The following ECI2 variants were observed in gnomAD, a reference collection of about 807,000 sequenced individuals.
The protein encoded by ECI2 is enoyl-CoA delta isomerase 2.
In ECI2, 27 loss-of-function variants were observed where a neutral mutation model predicts 38.4. That is an observed-to-expected ratio of 0.70 (90% CI 0.52 to 0.97). ECI2 has a LOEUF of 0.97. ECI2 is among the 50% of genes least tolerant of loss of function. The probability of loss-of-function intolerance (pLI) is 0.00; values close to 1 mark genes in which losing one functional copy is unlikely to be tolerated. For missense variants in ECI2, 470 were observed against 474.4 expected (o/e 0.99, Z 0.09); for synonymous variants, 168 against 172.0 (o/e 0.98, Z 0.18).
chr6:4,119,921 A>G (rs528447412), intron 7 of ECI2, among the ~76,000 whole-genome samples: 3 of 135,108 alleles, frequency 2.2e-5, no homozygotes, highest in East Asian at 2.5e-4. Context: ...AGAATGCTGT[A>G]TAAGTGGAAT....
At chr6:4,131,781 T>C (rs1243038699) in intron 2 of ECI2, among the ~76,000 whole-genome samples, 1 of 152,048 alleles carries the variant, frequency 6.6e-6, no homozygotes, top group Non-Finnish European at 1.5e-5. Context: ...TGCCTGAACC[T>C]GGGAGGCAGA....
chr6:4,117,565 G>C (rs1772365872), intron 8 of ECI2, 114 bp from the exon 9 acceptor site: 1 of 1,389,854 alleles, frequency 7.2e-7, no homozygotes, highest in Admixed American at 2.7e-5. Context: ...GAGGTTGCTG[G>C]TATTTCTCAG....
chr6:4,130,467 A>T lies in ECI2; in HGVS notation c.406T>A (p.Ser136Thr). The part of the protein sequence containing the change: ...SQVEPGTDRK[S>T]TGFETLVVTS... ...ACCACCAGAGTTTCAAACCCAGTTG[A>T]TTTCCTGTCTGTTCCAGGCTCCACC... Residue 136 changes from serine to threonine, a missense_variant, in exon 4 of 10, where the codon TCA becomes ACA. Ser to Thr is a moderately conservative substitution (Grantham distance 58). Coordinates refer to ENST00000380118, the MANE Select transcript of ECI2 (RefSeq NM_206836.3). 1.9e-6 allele frequency: 3 copies of T among 1,614,180 alleles called. No individual in the cohort carries two copies. In the South Asian group the frequency reaches 3.3e-5, roughly 18 times the overall value.
intron 2 of ECI2, 103 bp from the exon 3 acceptor site, chr6:4,130,968 A>C: frequency 1.9e-6 from 2 of 1,042,756 alleles, no homozygotes; most frequent in Non-Finnish European, 2.8e-6. Context: ...CCTCCCCCAA[A>C]TCCTTTCACA....
intron 8 of ECI2, 140 bp downstream of exon 8, chr6:4,119,046 C>CT: frequency 4.3e-6 from 3 of 697,394 alleles, no homozygotes; most frequent in Admixed American, 6.2e-5. Flanking sequence ...TGGTAAAACT[C>CT]TTAAAGAGTT....
chr6:4,119,326 T>G, intron 7 of ECI2, 51 bp from the exon 8 acceptor site: 2 of 1,461,734 alleles, frequency 1.4e-6, no homozygotes, highest in South Asian at 1.2e-5. Flanking sequence ...GTGATTTTTT[T>G]TTTTTTTTTT....
At chr6:4,119,986 T>C (rs1772590317) in intron 7 of ECI2, among the ~76,000 whole-genome samples, 1 of 152,226 alleles carries the variant, frequency 6.6e-6, no homozygotes, top group Non-Finnish European at 1.5e-5. Context: ...TGCTGTTGTA[T>C]GTATTAGTAG....
chr6:4,121,956 A>G, intron 7 of ECI2: 1 of 1,571,130 alleles, frequency 6.4e-7, no homozygotes, highest in Non-Finnish European at 8.6e-7. Context: ...AAGAAAACTT[A>G]TTCAAAAAAA....
intron 6 of ECI2, chr6:4,125,917 T>C (rs1205599608): frequency 3.0e-6 from 2 of 664,062 alleles, no homozygotes; most frequent in Admixed American, 4.2e-5. Context: ...TCCAGTCAAA[T>C]CTCATGAGAC....
At chr6:4,122,132 G>A in intron 7 of ECI2, 1 of 723,588 alleles carries the variant, frequency 1.4e-6, no homozygotes, top group Non-Finnish European at 2.3e-6. Flanking sequence ...TTTAGGCTCT[G>A]GCGTCAGACT....
intron 7 of ECI2, among the ~76,000 whole-genome samples, chr6:4,123,230 G>A (rs1259813081): frequency 6.6e-6 from 1 of 151,958 alleles, no homozygotes; most frequent in South Asian, 2.1e-4. Context: ...AGGCTGGAGT[G>A]CAGTGGTACG....
At chr6:4,133,852 G>T in intron 1 of ECI2, 141 bp from the exon 2 acceptor site, 1 of 996,332 alleles carries the variant, frequency 1.0e-6, no homozygotes, top group South Asian at 2.4e-5. Flanking sequence ...CAGCAAACTG[G>T]CTGCAAATAA....
chr6:4,118,382 C>T (rs1283386657), intron 8 of ECI2: 2 of 152,262 alleles, frequency 1.3e-5, no homozygotes, highest in East Asian at 1.9e-4. Flanking sequence ...GTCAGTTCTG[C>T]CCCCTTCCCA....
At chr6:4,133,887 T>G in intron 1 of ECI2, 176 bp from the exon 2 acceptor site, 1 of 654,806 alleles carries the variant, frequency 1.5e-6, no homozygotes, top group East Asian at 3.2e-5. Context: ...TCCAAGATAA[T>G]AAGTCAATAC....
chr6:4,119,797 C>A (rs1349065816), intron 7 of ECI2, among the ~76,000 whole-genome samples: 1 of 152,148 alleles, frequency 6.6e-6, no homozygotes, highest in Non-Finnish European at 1.5e-5. Context: ...TACTGACATG[C>A]GGAACATTTC....
chr6:4,129,459 TTGAG>T (rs1168312755), intron 4 of ECI2, among the ~76,000 whole-genome samples: 1 of 152,170 alleles, frequency 6.6e-6, no homozygotes, highest in Admixed American at 6.5e-5. Context: ...TTATGTGAAC[TTGAG>T]TAAGTTACTT....
chr6:4,133,914 A>G, intron 1 of ECI2: 5 of 485,544 alleles, frequency 1.0e-5, no homozygotes, highest in Non-Finnish European at 1.3e-5. Flanking sequence ...TAACAGTAGT[A>G]ACTTTAAATA....
intron 2 of ECI2, among the ~76,000 whole-genome samples, chr6:4,132,499 G>T (rs764846883): frequency 1.3e-5 from 2 of 151,906 alleles, no homozygotes; most frequent in Non-Finnish European, 2.9e-5. Flanking sequence ...CCTCTTCTGG[G>T]GCAAGGTTAA....
intron 6 of ECI2, chr6:4,125,673 G>A: frequency 2.2e-6 from 1 of 450,084 alleles, no homozygotes; most frequent in Non-Finnish European, 4.1e-6. Flanking sequence ...TTAGAGATTA[G>A]GTTGGGTGAC....
Sources: allele counts gnomAD v4.1 joint callset (sites outside exome capture counted in the v4.1 genomes callset), GRCh38; gene constraint gnomAD v4.1.1; transcripts MANE v1.5; gene names NCBI Gene and HGNC (gene_info 2026-07-23, HGNC 2026-07-21).